The following CBFA2T3 variants were observed in gnomAD, a reference collection of about 807,000 sequenced individuals.
CBFA2T3 encodes CBFA2/RUNX1 partner transcriptional co-repressor 3.
A neutral mutation model predicts 58.6 loss-of-function variants in CBFA2T3; 31 were observed. The observed-to-expected ratio is 0.53, with a 90% confidence interval of 0.40 to 0.71. The LOEUF (loss-of-function observed/expected upper bound fraction) is 0.71. CBFA2T3 is among the 30% of genes least tolerant of loss of function. The pLI, the probability that CBFA2T3 is intolerant of heterozygous loss-of-function variation, is 0.00. For missense variants in CBFA2T3, 1,076 were observed against 963.1 expected, an observed-to-expected ratio of 1.12 and a Z score of -1.55; for synonymous variants, 531 against 421.9, an observed-to-expected ratio of 1.26 and a Z score of -3.17.
intron 1 of CBFA2T3, among the ~76,000 whole-genome samples, chr16:88,927,134 C>A (rs190229989): frequency 3.3e-4 from 51 of 152,352 alleles, no homozygotes; most frequent in South Asian, 2.5e-3. Flanking sequence ...GACGGAGCAG[C>A]AGCCCCGGGC....
intron 3 of CBFA2T3, among the ~76,000 whole-genome samples, chr16:88,894,431 G>A (rs1242832511): frequency 5.2e-5 from 5 of 96,634 alleles, no homozygotes; most frequent in Non-Finnish European, 9.6e-5. Flanking sequence ...ATATACACAT[G>A]CACACAATGT....
At chr16:88,975,803 T>C (rs1972844287) in intron 1 of CBFA2T3, among the ~76,000 whole-genome samples, 1 of 152,220 alleles carries the variant, frequency 6.6e-6, no homozygotes, top group Non-Finnish European at 1.5e-5. Context: ...TCAGGGAATG[T>C]GGTCTCCAGA....
intron 1 of CBFA2T3, among the ~76,000 whole-genome samples, chr16:88,914,799 C>T (rs568204111): frequency 6.6e-6 from 1 of 152,334 alleles, no homozygotes; most frequent in East Asian, 1.9e-4. Flanking sequence ...GAAAAATCTT[C>T]CCTGCTCCCC....
At chr16:88,959,175 G>A (rs1425618429) in intron 1 of CBFA2T3, among the ~76,000 whole-genome samples, 1 of 152,250 alleles carries the variant, frequency 6.6e-6, no homozygotes, top group Non-Finnish European at 1.5e-5. Flanking sequence ...CACGCCACAT[G>A]TGCTGTGTGC....
chr16:88,905,625 G>C (rs959113115), intron 1 of CBFA2T3, among the ~76,000 whole-genome samples: 3 of 150,620 alleles, frequency 2.0e-5, no homozygotes, highest in African/African-American at 7.3e-5. Flanking sequence ...AAAGATGGAA[G>C]TGGGGTGAGT....
chr16:88,936,454 A>G (rs1971503886), intron 1 of CBFA2T3, among the ~76,000 whole-genome samples: 2 of 150,848 alleles, frequency 1.3e-5, no homozygotes, highest in Non-Finnish European at 3.0e-5. Context: ...ATCCACCACG[A>G]CCCCAGCCTC....
intron 1 of CBFA2T3, among the ~76,000 whole-genome samples, chr16:88,908,521 G>A (rs1315806217): frequency 6.6e-6 from 1 of 152,164 alleles, no homozygotes; most frequent in Admixed American, 6.5e-5. Context: ...GAAAGAGCCT[G>A]CAATGTGCCG....
At chr16:88,974,270 C>T (rs527599394) in intron 1 of CBFA2T3, among the ~76,000 whole-genome samples, 4 of 152,280 alleles carry the variant, frequency 2.6e-5, no homozygotes, top group East Asian at 1.9e-4. Flanking sequence ...ACACAGCGGG[C>T]GCCTCGTAAA....
At chr16:88,971,116 C>T (rs999491416) in intron 1 of CBFA2T3, among the ~76,000 whole-genome samples, 1 of 151,880 alleles carries the variant, frequency 6.6e-6, no homozygotes, top group South Asian at 2.1e-4. Context: ...ACTCAATTTT[C>T]CTTTTTTTTT....
rs577873893 is a variant in CBFA2T3 at position 88,876,474 on chromosome 16, T to C, written c.*502A>G. ...AGGGGGAGAACCCCCCCGTTTTCTT[T>C]GTCCATTTCTGAGTAGCTCTTTTGC... On this transcript the variant is annotated 3_prime_UTR_variant, in exon 12 of 12. Transcript: ENST00000268679. The C allele has an allele frequency of 1.3e-5, 3 of 231,768 alleles. No individual in the cohort carries two copies. The highest frequency in any genetic ancestry group is 2.6e-5 in the Non-Finnish European group (3 of 117,212). The allele number at this position is 231,768 out of a possible 1,614,324, so 14.4% of individuals were successfully genotyped here.
chr16:88,903,669 G>C (rs556457491), intron 1 of CBFA2T3, among the ~76,000 whole-genome samples: 117 of 130,002 alleles, frequency 9.0e-4, no homozygotes, highest in African/African-American at 3.1e-3. Context: ...TGGGGGGGGG[G>C]GCGTTCCTGG....
chr16:88,883,423 G>T (rs1445633249), intron 7 of CBFA2T3: 3 of 154,960 alleles, frequency 1.9e-5, no homozygotes, highest in South Asian at 2.0e-4. Context: ...CTCGGAACAC[G>T]CTGGCTCTGA....
rs575229816 is a variant in CBFA2T3, at chr16:88,954,042, T to TG, written c.151+22614dup. On this transcript the variant is annotated intron_variant, in intron 1 of 11. Transcript: ENST00000268679. ...ATCTAGAGTCCTGGTCCTTCATGCC[T>TG]GGGTGTGGTCATGGCCCCTCTACAG... is the stretch of plus-strand genomic sequence containing the variant. 7.2e-5 allele frequency among the ~76,000 whole-genome samples: 11 copies of TG among 152,252 alleles called. No homozygotes were observed. The South Asian group carries it at 2.3e-3, about 32-fold the overall frequency.
chr16:88,929,220 G>C (rs1231778637), intron 1 of CBFA2T3, among the ~76,000 whole-genome samples: 3 of 152,216 alleles, frequency 2.0e-5, no homozygotes, highest in Non-Finnish European at 4.4e-5. Flanking sequence ...CTTGCAGGCA[G>C]TCTGGCTGCC....
rs6500510 is a variant in CBFA2T3, at chr16:88,934,316, T to C, written c.152-32660A>G. On this transcript the variant is annotated intron_variant, in intron 1 of 11. Transcript: ENST00000268679. ...CACAGGAGGGGCCGACTTGGGCCCATAGGGGAGGCTCCATGCACGTTCCCG... is the reference window on the plus strand; with the variant it reads ...CACAGGAGGGGCCGACTTGGGCCCACAGGGGAGGCTCCATGCACGTTCCCG... Among the ~76,000 whole-genome samples, 190 of 152,038 alleles carry C rather than the reference T, an allele frequency of 1.2e-3. 2 individuals carry two copies. The highest frequency in any genetic ancestry group is 6.8e-3 in the Middle Eastern group (2 of 294).
intron 1 of CBFA2T3, among the ~76,000 whole-genome samples, chr16:88,966,435 A>G (rs1391455601): frequency 6.6e-6 from 1 of 151,598 alleles, no homozygotes; most frequent in Non-Finnish European, 1.5e-5. Flanking sequence ...CCTGTGCAGC[A>G]TGGCTGGGCT....
chr16:88,972,615 C>T (rs1972682472), intron 1 of CBFA2T3, among the ~76,000 whole-genome samples: 1 of 152,322 alleles, frequency 6.6e-6, no homozygotes, highest in South Asian at 2.1e-4. Context: ...CTGGACTCCA[C>T]GGTCAGTCTG....
intron 3 of CBFA2T3, among the ~76,000 whole-genome samples, chr16:88,893,392 A>G (rs1262104553): frequency 6.6e-6 from 1 of 151,924 alleles, no homozygotes; most frequent in Non-Finnish European, 1.5e-5. Flanking sequence ...AGTGTCTCCC[A>G]GCCCTGAGCA....
intron 3 of CBFA2T3, among the ~76,000 whole-genome samples, chr16:88,896,504 T>C (rs1410047610): frequency 6.6e-6 from 1 of 152,162 alleles, no homozygotes; most frequent in Admixed American, 6.5e-5. Flanking sequence ...GTCTCTCGCC[T>C]TCTGAGCCTC....
Sources: gnomAD v4.1 joint callset for allele counts (sites outside exome capture counted in the v4.1 genomes callset) on GRCh38, gnomAD v4.1.1 for gene constraint, MANE v1.5 for transcripts, NCBI Gene and HGNC (gene_info 2026-07-23, HGNC 2026-07-21) for gene names.